ZC4H2: variants seen among roughly 807,000 people sequenced by gnomAD.
ZC4H2 encodes zinc finger C4H2-type containing.
For synonymous variants in ZC4H2, 84 were observed against 66.3 expected, an observed-to-expected ratio of 1.27 and a Z score of -1.30; for missense variants, 137 against 173.9, an observed-to-expected ratio of 0.79 and a Z score of 1.19.
At chrX:64,993,179 G>A (rs1932343914) in intron 1 of ZC4H2, among the ~76,000 whole-genome samples, 1 of 111,931 alleles carries the variant, frequency 8.9e-6, no homozygotes, top group Admixed American at 9.4e-5. Flanking sequence ...AGACATATTA[G>A]GTTTTTTTGT....
At chrX:65,024,287 A>G (rs1002008538) in intron 1 of ZC4H2, among the ~76,000 whole-genome samples, 4 of 111,812 alleles carry the variant, frequency 3.6e-5, no homozygotes, top group Non-Finnish European at 7.5e-5. Context: ...ACTAGTCATC[A>G]GAGAAATGCA....
intron 2 of ZC4H2, among the ~76,000 whole-genome samples, chrX:64,921,113 G>A (rs1929175876): frequency 1.8e-5 from 2 of 112,335 alleles, no homozygotes; most frequent in South Asian, 7.4e-4. Flanking sequence ...ATCAGAAAAT[G>A]AGTATTGCCA....
chrX:64,960,995 GT>G (rs966287631), intron 1 of ZC4H2, among the ~76,000 whole-genome samples: 13 of 111,266 alleles, frequency 1.2e-4, no homozygotes, highest in Admixed American at 1.1e-3. Context: ...TAAGCCTGCT[GT>G]TTTTTATTGA....
At chrX:65,032,571 G>A (rs1452147151) in intron 1 of ZC4H2, among the ~76,000 whole-genome samples, 1 of 111,703 alleles carries the variant, frequency 9.0e-6, no homozygotes, top group East Asian at 2.8e-4. Context: ...GCTTGTTGAT[G>A]ATCTCCAATC....
chrX:64,948,928 C>G (rs1442466164), intron 1 of ZC4H2, among the ~76,000 whole-genome samples: 1 of 111,706 alleles, frequency 9.0e-6, no homozygotes, highest in Non-Finnish European at 1.9e-5. Context: ...TATTGTAAAA[C>G]AAATTTTGTC....
At chrX:65,013,193 C>G (rs1053165075) in intron 1 of ZC4H2, among the ~76,000 whole-genome samples, 1 of 112,074 alleles carries the variant, frequency 8.9e-6, no homozygotes, top group Non-Finnish European at 1.9e-5. Flanking sequence ...TAATCCAAGT[C>G]AGTGTCTAAC....
upstream of ZC4H2, among the ~76,000 whole-genome samples, chrX:64,979,751 G>C (rs1473001291): frequency 8.9e-6 from 1 of 111,948 alleles, no homozygotes; most frequent in Non-Finnish European, 1.9e-5. Flanking sequence ...TAAGATATGG[G>C]CTAGCAGTGA....
intron 1 of ZC4H2, among the ~76,000 whole-genome samples, chrX:64,969,120 T>C (rs978172909): frequency 4.5e-5 from 5 of 112,270 alleles, no homozygotes; most frequent in Non-Finnish European, 9.4e-5. Flanking sequence ...ACCATCAAAA[T>C]GGTAGGATTA....
intron 1 of ZC4H2, among the ~76,000 whole-genome samples, chrX:65,021,002 A>G (rs1932832714): frequency 1.8e-5 from 2 of 109,858 alleles, no homozygotes; most frequent in Admixed American, 1.9e-4. Context: ...TACACCCCAT[A>G]CAGGAGCACC....
chrX:65,027,505 A>G (rs973632736), intron 1 of ZC4H2, among the ~76,000 whole-genome samples: 2 of 111,671 alleles, frequency 1.8e-5, no homozygotes, highest in East Asian at 5.6e-4. Context: ...ATGAATGAAT[A>G]TGAGAGATAT....
At chrX:64,944,051 G>A (rs193240549) in intron 1 of ZC4H2, among the ~76,000 whole-genome samples, 5 of 110,381 alleles carry the variant, frequency 4.5e-5, no homozygotes, top group Admixed American at 2.9e-4. Context: ...CTCAGCATTT[G>A]CTTGTCTGTA....
rs1928913279 is a variant in ZC4H2, at chrX:64,916,188, C to T, written c.*1595G>A. 1 of 110,968 alleles carries T rather than the reference C, an allele frequency of 9.0e-6. No homozygotes were observed. 9.1% of individuals were successfully genotyped at this position (110,968 alleles called of 1,213,427 possible). A position where few individuals can be genotyped will look rare whatever the true frequency, so the allele number is the denominator to read the frequency against. On this transcript the variant is annotated 3_prime_UTR_variant, in exon 5 of 5. Transcript: ENST00000374839. ...TTTTTTTAAAATGGTGATAAGAATA[C>T]TTAGCTTGTAAGGTATTTTGGAAGT...
chrX:64,957,926 A>G (rs1304801415), intron 1 of ZC4H2, among the ~76,000 whole-genome samples: 1 of 111,486 alleles, frequency 9.0e-6, no homozygotes, highest in African/African-American at 3.3e-5. Context: ...AGGCCTACAC[A>G]GGGTTAGGAT....
rs770112912 is a variant in ZC4H2 at position 64,916,032 on chromosome X, G to T, written c.*1751C>A. The T allele has an allele frequency of 8.9e-6, 1 of 112,064 alleles. No individual in the cohort carries two copies. The highest frequency in any genetic ancestry group is 1.9e-5 in the Non-Finnish European group (1 of 53,254). The allele number at this position is 112,064 out of a possible 1,213,427, so 9.2% of individuals were successfully genotyped here. A position where few individuals can be genotyped will look rare whatever the true frequency, so the allele number is the denominator to read the frequency against. ...AAGGGAGAAAGGTTTTCTTAAAAAT[G>T]ATCATGGAGAAGAAGTAGAAAAAAA... On this transcript the variant is annotated 3_prime_UTR_variant, in exon 5 of 5. Coordinates refer to ENST00000374839, the MANE Select transcript of ZC4H2 (RefSeq NM_018684.4).
At chrX:64,976,674 A>G (rs772195751), upstream of ZC4H2, 676 of 320,737 alleles carry the variant, frequency 2.1e-3, no homozygotes, top group Middle Eastern at 4.5e-3. Flanking sequence ...AGTGCAAAGG[A>G]ATGGGGATAT....
chrX:65,014,087 C>G (rs1932781653), intron 1 of ZC4H2, among the ~76,000 whole-genome samples: 1 of 110,932 alleles, frequency 9.0e-6, no homozygotes, highest in African/African-American at 3.3e-5. Flanking sequence ...GGAATTCAAG[C>G]AGAATCTGAC....
At chrX:64,988,362 G>C (rs1932235765) in intron 1 of ZC4H2, among the ~76,000 whole-genome samples, 1 of 111,411 alleles carries the variant, frequency 9.0e-6, no homozygotes, top group South Asian at 3.8e-4. Context: ...CAGTGTAAAA[G>C]TGTTCCTATT....
chrX:65,010,698 A>G (rs993662089), intron 1 of ZC4H2, among the ~76,000 whole-genome samples: 12 of 111,982 alleles, frequency 1.1e-4, no homozygotes, highest in Non-Finnish European at 3.8e-5. Flanking sequence ...TTTTTTCCAA[A>G]ATATTTCTTA....
At chrX:64,964,559 T>C (rs764992993) in intron 1 of ZC4H2, among the ~76,000 whole-genome samples, 111 of 111,782 alleles carry the variant, frequency 9.9e-4, no homozygotes, top group Non-Finnish European at 1.6e-3. Context: ...TAGAATTATT[T>C]ACCCAGGGAA....
Sources: allele counts gnomAD v4.1 joint callset (sites outside exome capture counted in the v4.1 genomes callset), GRCh38; gene constraint gnomAD v4.1.1; transcripts MANE v1.5; gene names NCBI Gene and HGNC (gene_info 2026-07-23, HGNC 2026-07-21).